Variants in RELL1 observed in about 807,000 individuals in gnomAD.
The protein encoded by RELL1 is RELT-like protein 1.
Under a neutral mutation model 23.0 loss-of-function variants are expected in RELL1, and 10 were observed. The observed-to-expected ratio is 0.43, with a 90% CI of 0.27 to 0.74. RELL1 has a LOEUF of 0.74. RELL1 is among the 30% of genes least tolerant of loss of function. The pLI, the probability that RELL1 is intolerant of heterozygous loss-of-function variation, is 0.19. For synonymous variants in RELL1, 146 were observed against 146.8 expected (o/e 0.99, Z 0.04); for missense variants, 315 against 364.4 (o/e 0.86, Z 1.10).
chr4:37,676,544 C>T (rs748060199), intron 1 of RELL1, among the ~76,000 whole-genome samples: 2 of 152,178 alleles, frequency 1.3e-5, no homozygotes, highest in Non-Finnish European at 2.9e-5. Context: ...CAATGTCACA[C>T]CATATCACCT....
At chr4:37,648,368 A>G (rs551542191) in intron 2 of RELL1, among the ~76,000 whole-genome samples, 5 of 152,264 alleles carry the variant, frequency 3.3e-5, no homozygotes. Context: ...GGTGGGAAAA[A>G]CCAACAGTCC....
At chr4:37,618,099 C>T (rs1368792862) in intron 6 of RELL1, among the ~76,000 whole-genome samples, 1 of 152,164 alleles carries the variant, frequency 6.6e-6, no homozygotes, top group East Asian at 1.9e-4. Flanking sequence ...AAAAACTGAG[C>T]CATGCTGCAT....
At chr4:37,617,966 T>C (rs568316813) in intron 6 of RELL1, among the ~76,000 whole-genome samples, 1 of 152,300 alleles carries the variant, frequency 6.6e-6, no homozygotes, top group South Asian at 2.1e-4. Flanking sequence ...ATGTACAAGA[T>C]GCCAAGATGC....
intron 3 of RELL1, among the ~76,000 whole-genome samples, chr4:37,641,122 T>G (rs1720516800): frequency 6.6e-6 from 1 of 152,238 alleles, no homozygotes; most frequent in African/African-American, 2.4e-5. Context: ...TGTGTGTTTC[T>G]CGGTTATTCA....
Position 37,653,198 on chromosome 4 carries a change from C to T in RELL1, c.89-3698G>A, listed in dbSNP as rs182203244. ...TGCACAGGTAGCTACTCCATGCTCA[C>T]CTTATCTTAGGTAAAGTGCTGACTG... On this transcript the variant is annotated intron_variant, in intron 1 of 6. Coordinates refer to ENST00000454158, the MANE Select transcript of RELL1 (RefSeq NM_001085400.2). 9.5e-4 allele frequency among the ~76,000 whole-genome samples: 144 copies of T among 152,252 alleles called. 1 individual carries two copies. In the Middle Eastern group the frequency reaches 0.01, roughly 11 times the overall value.
chr4:37,644,438 T>TTTTATTTATTTA (rs10523379), intron 3 of RELL1, among the ~76,000 whole-genome samples: 28,865 of 137,634 alleles, frequency 0.21, 3,543 homozygotes, highest in Non-Finnish European at 0.26. Context: ...TTATTTTTAT[T>TTTTATTTATTTA]TTTATTTATT....
At chr4:37,674,384 T>A (rs1678270597) in intron 1 of RELL1, among the ~76,000 whole-genome samples, 1 of 152,264 alleles carries the variant, frequency 6.6e-6, no homozygotes, top group African/African-American at 2.4e-5. Context: ...ATCACGACTG[T>A]GAAATGAGTT....
At chr4:37,658,921 T>TA (rs1721218977) in intron 1 of RELL1, among the ~76,000 whole-genome samples, 1 of 152,140 alleles carries the variant, frequency 6.6e-6, no homozygotes, top group Admixed American at 6.5e-5. Context: ...TTTTACCAGA[T>TA]AAACAACAAA....
chr4:37,680,200 TC>T lies in RELL1; in HGVS notation c.88+5999del, dbSNP rs200557047. Among the ~76,000 whole-genome samples the T allele has an allele frequency of 9.3e-4, 141 of 152,340 alleles. 3 individuals are homozygous for T. The East Asian group carries it at 0.026, about 28-fold the overall frequency. On this transcript the variant is annotated intron_variant, in intron 1 of 6. Transcript: ENST00000454158. ...CCTAACAAATTAGCGAATATGTTTT[TC>T]AGAGAAAATAACAAGAATATGAAAT... is the stretch of plus-strand genomic sequence containing the variant.
intron 1 of RELL1, among the ~76,000 whole-genome samples, chr4:37,681,820 C>T (rs889352475): frequency 3.9e-5 from 6 of 152,004 alleles, no homozygotes; most frequent in South Asian, 4.2e-4. Context: ...AGCCACTGCA[C>T]CCGGCTTCCT....
intron 4 of RELL1, among the ~76,000 whole-genome samples, chr4:37,638,060 A>T (rs1245455782): frequency 1.3e-5 from 2 of 152,214 alleles, no homozygotes; most frequent in Admixed American, 1.3e-4. Flanking sequence ...ACTCAACCAC[A>T]TCTCCCAATT....
At chr4:37,657,983 C>T (rs1721186872) in intron 1 of RELL1, among the ~76,000 whole-genome samples, 1 of 152,002 alleles carries the variant, frequency 6.6e-6, no homozygotes. Flanking sequence ...GTAAAATGTA[C>T]CTGCAGTCCC....
downstream of RELL1, among the ~76,000 whole-genome samples, chr4:37,586,962 C>T (rs1000792882): frequency 1.3e-5 from 2 of 152,094 alleles, no homozygotes; most frequent in African/African-American, 4.8e-5. Context: ...TCTCCCAGTT[C>T]TAGAGACCAG....
At chr4:37,618,297 A>G (rs1422670768) in intron 6 of RELL1, among the ~76,000 whole-genome samples, 1 of 151,928 alleles carries the variant, frequency 6.6e-6, no homozygotes, top group East Asian at 1.9e-4. Flanking sequence ...TGGAACCTCG[A>G]ACTCCTGGGC....
At chr4:37,666,367 C>T (rs1243327619) in intron 1 of RELL1, among the ~76,000 whole-genome samples, 1 of 152,214 alleles carries the variant, frequency 6.6e-6, no homozygotes, top group Non-Finnish European at 1.5e-5. Context: ...CTTGGCTGCA[C>T]TGTGTTCAAT....
chr4:37,668,872 C>T (rs1237856794), intron 1 of RELL1, among the ~76,000 whole-genome samples: 4 of 150,702 alleles, frequency 2.7e-5, no homozygotes, highest in African/African-American at 9.9e-5. Context: ...CCTGTCGCCT[C>T]GTCCGGGATG....
chr4:37,605,793 GAGAA>G (rs771797298), downstream of RELL1, among the ~76,000 whole-genome samples: 4,555 of 89,904 alleles, frequency 0.051, 174 homozygotes, highest in African/African-American at 0.099. Flanking sequence ...GAGAAAGAAA[GAGAA>G]AGAAAGAAAG....
At chr4:37,660,063 C>A (rs1159956728) in intron 1 of RELL1, among the ~76,000 whole-genome samples, 1 of 152,162 alleles carries the variant, frequency 6.6e-6, no homozygotes, top group African/African-American at 2.4e-5. Context: ...TTTAAGCACA[C>A]ACACACACCC....
At chr4:37,621,373 G>A (rs985558701) in intron 6 of RELL1, among the ~76,000 whole-genome samples, 14 of 151,888 alleles carry the variant, frequency 9.2e-5, no homozygotes, top group Admixed American at 6.6e-5. Flanking sequence ...GGAGAATGGC[G>A]TGAACCTGGG....
Sources: allele counts gnomAD v4.1 joint callset (sites outside exome capture counted in the v4.1 genomes callset), GRCh38; gene constraint gnomAD v4.1.1; transcripts MANE v1.5; gene names NCBI Gene and HGNC (gene_info 2026-07-23, HGNC 2026-07-21).